The following IL1RAPL1 variants were observed in gnomAD, a reference collection of about 807,000 sequenced individuals.
IL1RAPL1 encodes the protein interleukin-1 receptor accessory protein-like 1.
A neutral mutation model predicts 48.4 loss-of-function variants in IL1RAPL1; 3 were observed. That is an observed-to-expected ratio of 0.06 (90% CI 0.03 to 0.16). IL1RAPL1 has a LOEUF of 0.16. Among genes scored for constraint, IL1RAPL1 ranks in the 10% least tolerant of loss-of-function variants. IL1RAPL1 has a pLI of 1.00. For synonymous variants in IL1RAPL1, 185 were observed against 187.7 expected, an observed-to-expected ratio of 0.99 and a Z score of 0.12; for missense variants, 349 against 530.6, an observed-to-expected ratio of 0.66 and a Z score of 3.36.
intron 5 of IL1RAPL1, among the ~76,000 whole-genome samples, chrX:29,529,355 G>A (rs1005366273): frequency 9.0e-6 from 1 of 110,825 alleles, no homozygotes; most frequent in Non-Finnish European, 1.9e-5. Flanking sequence ...GCACTTTGGG[G>A]GTCTGAGGTG....
At chrX:28,972,523 G>T (rs56012608) in intron 2 of IL1RAPL1, among the ~76,000 whole-genome samples, 13 of 110,964 alleles carry the variant, frequency 1.2e-4, no homozygotes, top group Non-Finnish European at 2.1e-4. Context: ...CGGATCACAA[G>T]GTCAGGAGAT....
chrX:28,599,403 A>C (rs1191072119), intron 1 of IL1RAPL1, among the ~76,000 whole-genome samples: 3 of 110,933 alleles, frequency 2.7e-5, no homozygotes, highest in African/African-American at 9.8e-5. Flanking sequence ...TGTTTTCCAA[A>C]GTGCCCCTCC....
intron 2 of IL1RAPL1, among the ~76,000 whole-genome samples, chrX:29,201,814 C>T (rs1930562507): frequency 9.0e-6 from 1 of 110,749 alleles, no homozygotes. Flanking sequence ...GCCTCAGCCT[C>T]CCGAGTAGCT....
intron 6 of IL1RAPL1, among the ~76,000 whole-genome samples, chrX:29,864,037 G>A (rs752751262): frequency 2.7e-5 from 3 of 111,048 alleles, no homozygotes; most frequent in Admixed American, 9.5e-5. Flanking sequence ...TGCCTGCCTC[G>A]GCCTCCCAAA....
chrX:28,969,756 C>CTG (rs1925008790), intron 2 of IL1RAPL1, among the ~76,000 whole-genome samples: 1 of 108,459 alleles, frequency 9.2e-6, no homozygotes, highest in African/African-American at 3.3e-5. Context: ...AAATTTTATA[C>CTG]TGTAGCACTA....
intron 2 of IL1RAPL1, among the ~76,000 whole-genome samples, chrX:29,255,506 T>G (rs1027238240): frequency 1.8e-5 from 2 of 110,860 alleles, no homozygotes; most frequent in Admixed American, 9.7e-5. Context: ...GTTTGTTACA[T>G]GGGCATATTG....
chrX:29,663,747 G>T (rs1925914876), intron 5 of IL1RAPL1, among the ~76,000 whole-genome samples: 1 of 111,689 alleles, frequency 9.0e-6, no homozygotes, highest in Non-Finnish European at 1.9e-5. Context: ...TTAAATCAGG[G>T]TCTAAACCCC....
intron 2 of IL1RAPL1, among the ~76,000 whole-genome samples, chrX:29,199,360 T>C (rs758395520): frequency 9.9e-4 from 110 of 111,472 alleles, no homozygotes; most frequent in Non-Finnish European, 1.7e-3. Flanking sequence ...TCTCTGTTTA[T>C]GAATATGCTC....
chrX:28,669,770 AATC>A (rs1281169571), intron 1 of IL1RAPL1, among the ~76,000 whole-genome samples: 11 of 104,586 alleles, frequency 1.1e-4, no homozygotes, highest in South Asian at 3.8e-4. Context: ...TTATATATAT[AATC>A]ATATATAAAT....
chrX:29,269,721 T>C (rs780291904), intron 2 of IL1RAPL1, among the ~76,000 whole-genome samples: 3 of 109,643 alleles, frequency 2.7e-5, no homozygotes, highest in Non-Finnish European at 5.7e-5. Context: ...CTACATTCTA[T>C]TGTCAACCAA....
intron 9 of IL1RAPL1, among the ~76,000 whole-genome samples, chrX:29,948,246 A>T (rs1056441649): frequency 9.0e-6 from 1 of 111,588 alleles, no homozygotes; most frequent in Non-Finnish European, 1.9e-5. Flanking sequence ...TATTTTAACT[A>T]GTATCAAATT....
chrX:29,086,724 G>T (rs188265219), intron 2 of IL1RAPL1, among the ~76,000 whole-genome samples: 7 of 112,053 alleles, frequency 6.2e-5, no homozygotes, highest in Admixed American at 1.9e-4. Context: ...TGTCATAAAT[G>T]GTGAAGGGTC....
intron 5 of IL1RAPL1, among the ~76,000 whole-genome samples, chrX:29,449,605 C>G (rs1225531333): frequency 9.1e-6 from 1 of 110,191 alleles, no homozygotes; most frequent in Non-Finnish European, 1.9e-5. Flanking sequence ...TCTTTGAAAT[C>G]TATATTGGGC....
chrX:28,973,751 C>G (rs1925139605), intron 2 of IL1RAPL1, among the ~76,000 whole-genome samples: 1 of 112,206 alleles, frequency 8.9e-6, no homozygotes. Flanking sequence ...TTTCCACATA[C>G]TGATGTAGTA....
intron 5 of IL1RAPL1, among the ~76,000 whole-genome samples, chrX:29,452,996 C>T (rs1478865667): frequency 2.1e-5 from 2 of 96,989 alleles, no homozygotes; most frequent in Non-Finnish European, 4.0e-5. Flanking sequence ...GCAATCTCGG[C>T]TCACTGCAAC....
At chrX:29,067,311 A>G (rs942540650) in intron 2 of IL1RAPL1, among the ~76,000 whole-genome samples, 1 of 112,155 alleles carries the variant, frequency 8.9e-6, no homozygotes, top group Non-Finnish European at 1.9e-5. Context: ...GGATTTTCCA[A>G]ATATCCTTGA....
intron 3 of IL1RAPL1, among the ~76,000 whole-genome samples, chrX:29,327,860 T>C (rs1932852838): frequency 9.0e-6 from 1 of 110,597 alleles, no homozygotes; most frequent in African/African-American, 3.3e-5. Context: ...GACTCCACCA[T>C]TGGAATGCTA....
intron 5 of IL1RAPL1, among the ~76,000 whole-genome samples, chrX:29,600,011 C>A (rs1207937494): frequency 1.8e-5 from 2 of 112,092 alleles, no homozygotes; most frequent in Admixed American, 9.5e-5. Flanking sequence ...TCTTTGAATT[C>A]TTTTACTGGT....
At chrX:28,873,512 T>C (rs867597681) in intron 2 of IL1RAPL1, among the ~76,000 whole-genome samples, 1 of 93,879 alleles carries the variant, frequency 1.1e-5, no homozygotes, top group South Asian at 5.1e-4. Context: ...CAATTATTGT[T>C]TTCTTTCTTT....
Sources: allele counts gnomAD v4.1 joint callset (sites outside exome capture counted in the v4.1 genomes callset), GRCh38; gene constraint gnomAD v4.1.1; transcripts MANE v1.5; gene names NCBI Gene and HGNC (gene_info 2026-07-23, HGNC 2026-07-21).